The following FAM53A variants were observed in gnomAD, a reference collection of about 807,000 sequenced individuals.
FAM53A encodes the protein protein FAM53A.
FAM53A carries 28 observed loss-of-function variants against 26.6 expected under a neutral mutation model. The observed-to-expected ratio is 1.05, with a 90% CI of 0.78 to 1.45. The LOEUF (loss-of-function observed/expected upper bound fraction) is 1.45, where lower values mean the gene tolerates loss of function less well. Among genes scored for constraint, FAM53A ranks in the 40% most tolerant of loss-of-function variants. The pLI is 0.00. For missense variants in FAM53A, 650 were observed against 575.8 expected (o/e 1.13, Z -1.32); for synonymous variants, 290 against 253.1 (o/e 1.15, Z -1.38).
downstream of FAM53A, among the ~76,000 whole-genome samples, chr4:1,616,991 G>GAGTATCTTCATGACTTTGGGAT (rs1560102043): frequency 6.6e-6 from 1 of 151,404 alleles, no homozygotes; most frequent in African/African-American, 2.5e-5. Context: ...ACAAAAATTA[G>GAGTATCTTCATGACTTTGGGAT]CCAGGCACGG....
the FAM53A span, among the ~76,000 whole-genome samples, chr4:1,594,935 A>G: frequency 6.6e-6 from 1 of 152,188 alleles, no homozygotes; most frequent in Admixed American, 6.5e-5. Flanking sequence ...TCGGGTGTGG[A>G]GGGGGAAGTC....
the FAM53A span, among the ~76,000 whole-genome samples, chr4:1,589,268 C>T: frequency 9.2e-5 from 14 of 152,268 alleles, no homozygotes; most frequent in Non-Finnish European, 1.6e-4. Flanking sequence ...AGTCCATTCA[C>T]GAGGTAAATC....
chr4:1,652,433 ACAT>A (rs1305330273), intron 4 of FAM53A, among the ~76,000 whole-genome samples: 1 of 146,704 alleles, frequency 6.8e-6, no homozygotes, highest in Non-Finnish European at 1.5e-5. Flanking sequence ...TACACACCAC[ACAT>A]CACACACACA....
At chr4:1,623,033 C>T in intron 1 of FAM53A, among the ~76,000 whole-genome samples, 1 of 152,356 alleles carries the variant, frequency 6.6e-6, no homozygotes, top group South Asian at 2.1e-4. Flanking sequence ...GGCGCTGAAG[C>T]AGCCCCCACG....
chr4:1,576,111 C>A, the FAM53A span, among the ~76,000 whole-genome samples: 1 of 152,138 alleles, frequency 6.6e-6, no homozygotes, highest in Admixed American at 6.5e-5. Flanking sequence ...AATATTGGCT[C>A]CAATAAAGAG....
intron 2 of FAM53A, among the ~76,000 whole-genome samples, chr4:1,658,841 C>T (rs757450455): frequency 4.6e-5 from 7 of 152,218 alleles, no homozygotes; most frequent in Non-Finnish European, 8.8e-5. Flanking sequence ...AGAGCTTCCT[C>T]GTCTGTGAGA....
intron 1 of FAM53A, among the ~76,000 whole-genome samples, chr4:1,625,617 T>C (rs546926303): frequency 2.1e-5 from 2 of 93,518 alleles, no homozygotes; most frequent in South Asian, 9.2e-4. Context: ...CCGACCCACG[T>C]GGTCAGGGTC....
intron 4 of FAM53A, among the ~76,000 whole-genome samples, chr4:1,643,740 T>C (rs771462717): frequency 4.6e-5 from 7 of 151,830 alleles, no homozygotes; most frequent in Non-Finnish European, 1.0e-4. Context: ...CTAATTTTTG[T>C]ATTTTCTGTA....
At chr4:1,684,777 G>A (rs1363804412), upstream of FAM53A, among the ~76,000 whole-genome samples, 1 of 152,212 alleles carries the variant, frequency 6.6e-6, no homozygotes, top group Non-Finnish European at 1.5e-5. Flanking sequence ...GCCGTTGGCA[G>A]GTCGCTCGCC....
Position 1,657,461 on chromosome 4 carries a change from T to C in FAM53A, c.83A>G (p.Tyr28Cys), listed in dbSNP as rs951850400. ...GCTCTTGTTCAGGGTTTCCGCAGAA[T>C]ACTGCAACTGACAGGAAAGAGAAGT... is the stretch of plus-strand genomic sequence containing the variant. ...TCKAEAGPLQ[Y>C]SAETLNKSGR... The change falls in exon 3 of 5, where the codon TAT (tyrosine) becomes TGT (cysteine). Residue 28 changes from tyrosine to cysteine, a missense_variant. Coordinates refer to ENST00000308132, the MANE Select transcript of FAM53A (RefSeq NM_001174070.3). The C allele has an allele frequency of 6.2e-7, 1 of 1,613,690 alleles. No individual in the cohort carries two copies. The highest frequency in any genetic ancestry group is 1.3e-5 in the African/African-American group (1 of 74,928).
Position 1,644,487 on chromosome 4 carries a change from C to T in FAM53A, c.883-2880G>A, listed in dbSNP as rs543852289. Reference sequence around the variant, plus strand: ...GGCCACACGGAACTGAAGGGGCCACCCACGCTGTAGAGACGGTGGAAACCG... The same window carrying T: ...GGCCACACGGAACTGAAGGGGCCACTCACGCTGTAGAGACGGTGGAAACCG... On this transcript the variant is annotated intron_variant, in intron 4 of 4. Transcript: ENST00000308132. The T allele has an allele frequency of 1.8e-4, 192 of 1,073,902 alleles. 5 individuals carry two copies. The South Asian group carries it at 2.6e-3, about 15-fold the overall frequency. 66.5% of individuals were successfully genotyped at this position (1,073,902 alleles called of 1,614,324 possible). A position where few individuals can be genotyped will look rare whatever the true frequency, so the allele number is the denominator to read the frequency against.
At chr4:1,633,009 C>G in intron 1 of FAM53A, among the ~76,000 whole-genome samples, 1 of 132,114 alleles carries the variant, frequency 7.6e-6, no homozygotes, top group South Asian at 2.1e-4. Context: ...CTCGTGCTCA[C>G]ACGCATAGGT....
upstream of FAM53A, among the ~76,000 whole-genome samples, chr4:1,685,193 G>T (rs964892423): frequency 6.6e-6 from 1 of 152,192 alleles, no homozygotes; most frequent in Non-Finnish European, 1.5e-5. Context: ...TTCCACTGAG[G>T]TAGGGCGGGA....
At chr4:1,652,144 A>AT (rs1712874086) in intron 4 of FAM53A, among the ~76,000 whole-genome samples, 1 of 140,108 alleles carries the variant, frequency 7.1e-6, no homozygotes, top group African/African-American at 2.8e-5. Context: ...TACACCACAC[A>AT]CACCACACGT....
chr4:1,642,093 T>C (rs1711767966), intron 4 of FAM53A, among the ~76,000 whole-genome samples: 2 of 152,142 alleles, frequency 1.3e-5, no homozygotes, highest in South Asian at 4.1e-4. Flanking sequence ...GTGGTGGCTC[T>C]GTCTCTCCTC....
downstream of FAM53A, among the ~76,000 whole-genome samples, chr4:1,636,645 C>T (rs1715852322): frequency 6.6e-6 from 1 of 152,254 alleles, no homozygotes; most frequent in African/African-American, 2.4e-5. Context: ...GATCCCATGC[C>T]CTCACCTCCT....
In FAM53A at chr4:1,668,827, T is replaced by G; in HGVS notation, c.-86A>C. 1.6e-6 allele frequency: 2 copies of G among 1,279,766 alleles called. No homozygotes were observed. The highest frequency in any genetic ancestry group is 2.3e-6 in the Non-Finnish European group (2 of 887,964). 79.3% of individuals were successfully genotyped at this position (1,279,766 alleles called of 1,614,324 possible). On this transcript the variant is annotated 5_prime_UTR_variant, in exon 2 of 5. It removes the in-frame stop codon of an upstream open reading frame in the 5' UTR. Coordinates refer to ENST00000308132, the MANE Select transcript of FAM53A (RefSeq NM_001174070.3). ...TTGCGAAGGCCCCAGCATTGCTGGGTCAGCCAAATCTCAAGGTCATGTCTC... is the reference window on the plus strand; with the variant it reads ...TTGCGAAGGCCCCAGCATTGCTGGGGCAGCCAAATCTCAAGGTCATGTCTC...
chr4:1,645,806 G>T (rs1712186915), intron 4 of FAM53A, among the ~76,000 whole-genome samples: 1 of 152,234 alleles, frequency 6.6e-6, no homozygotes, highest in South Asian at 2.1e-4. Context: ...ACAAATTCCA[G>T]ATTTTCGGTC....
At chr4:1,642,925 G>T (rs1711861034) in intron 4 of FAM53A, among the ~76,000 whole-genome samples, 1 of 152,244 alleles carries the variant, frequency 6.6e-6, no homozygotes, top group Non-Finnish European at 1.5e-5. Context: ...GGGGCGCCAT[G>T]ATGCCGATGA....
Sources: gnomAD v4.1 joint callset for allele counts (sites outside exome capture counted in the v4.1 genomes callset) on GRCh38, gnomAD v4.1.1 for gene constraint, MANE v1.5 for transcripts, NCBI Gene and HGNC (gene_info 2026-07-23, HGNC 2026-07-21) for gene names.